The following SLC35F1 variants were observed in gnomAD, a reference collection of about 807,000 sequenced individuals.
SLC35F1 encodes the protein chromosome 6 open reading frame 169.
In SLC35F1, 14 loss-of-function variants were observed where a neutral mutation model predicts 48.7. The observed-to-expected ratio is 0.29, with a 90% CI of 0.19 to 0.45. The LOEUF is 0.45. SLC35F1 is among the 20% of genes least tolerant of loss of function. The pLI is 1.00. For missense variants in SLC35F1, 404 were observed against 500.0 expected, an observed-to-expected ratio of 0.81 and a Z score of 1.83; for synonymous variants, 190 against 202.2, an observed-to-expected ratio of 0.94 and a Z score of 0.51.
intron 2 of SLC35F1, among the ~76,000 whole-genome samples, chr6:118,194,232 A>G (rs1011099509): frequency 6.6e-6 from 1 of 152,202 alleles, no homozygotes; most frequent in African/African-American, 2.4e-5. Flanking sequence ...TACAAAATCT[A>G]GAATCTTCAA....
At chr6:118,041,654 G>C (rs1772223125) in intron 1 of SLC35F1, among the ~76,000 whole-genome samples, 1 of 152,154 alleles carries the variant, frequency 6.6e-6, no homozygotes, top group South Asian at 2.1e-4. Flanking sequence ...GCATTAAAGA[G>C]GGAGATAGAG....
At chr6:118,200,894 T>A (rs1774866076) in intron 2 of SLC35F1, among the ~76,000 whole-genome samples, 1 of 152,104 alleles carries the variant, frequency 6.6e-6, no homozygotes, top group African/African-American at 2.4e-5. Flanking sequence ...TGATTTGGTT[T>A]GGTTTTTTAG....
chr6:118,154,419 T>A (rs546678050), intron 1 of SLC35F1, 26 bp from the exon 2 acceptor site: 3 of 1,587,410 alleles, frequency 1.9e-6, no homozygotes, highest in Non-Finnish European at 2.6e-6. Flanking sequence ...TGACCTTTGC[T>A]GTGTTTTTTT....
intron 1 of SLC35F1, among the ~76,000 whole-genome samples, chr6:118,146,585 A>C (rs1300374215): frequency 6.6e-6 from 1 of 152,188 alleles, no homozygotes; most frequent in African/African-American, 2.4e-5. Context: ...TAAAAACTAA[A>C]ATTATCCCAA....
chr6:118,023,029 A>G (rs545700999), intron 1 of SLC35F1, among the ~76,000 whole-genome samples: 35 of 152,216 alleles, frequency 2.3e-4, no homozygotes, highest in African/African-American at 8.4e-4. Context: ...AAGTGCTGCG[A>G]TTACAGGCGT....
rs1278800830 is a variant in SLC35F1, at chr6:118,266,904, C to T, written c.478-91C>T. 3.5e-6 allele frequency: 5 copies of T among 1,415,790 alleles called. No homozygotes were observed. The African/African-American group carries it at 4.2e-5, about 12-fold the overall frequency. 87.7% of individuals were successfully genotyped at this position (1,415,790 alleles called of 1,614,324 possible). A position where few individuals can be genotyped will look rare whatever the true frequency, so the allele number is the denominator to read the frequency against. The stretch of plus-strand genomic sequence containing the variant: ...CTCAGGTTCAGGGGAAAGGCAGAAC[C>T]CTTTCTGCAGAACTAAATTACTTTT... On this transcript the variant is annotated intron_variant, in intron 3 of 7. Transcript: ENST00000360388.
chr6:117,992,810 C>G lies in SLC35F1; in HGVS notation c.173+84911C>G, dbSNP rs76323424. Among the ~76,000 whole-genome samples the G allele has an allele frequency of 1.3e-3, 202 of 152,324 alleles. 1 individual carries two copies. Among genetic ancestry groups the G allele is most frequent in the Non-Finnish European group, 2.1e-3 (140 of 68,026 alleles). ...TGAAATTAATTGATAGACTTTCCAG[C>G]AGTCATCAGTATCTCTGAAGAGTAC... On this transcript the variant is annotated intron_variant, in intron 1 of 7. Transcript: ENST00000360388.
At chr6:118,153,713 C>CA (rs1774097588) in intron 1 of SLC35F1, among the ~76,000 whole-genome samples, 1 of 152,148 alleles carries the variant, frequency 6.6e-6, no homozygotes, top group African/African-American at 2.4e-5. Flanking sequence ...AAAAAAGCCA[C>CA]AAAAAATAAG....
In SLC35F1 at chr6:118,152,983, T is replaced by C. The variant is rs142001082; in HGVS notation, c.174-1462T>C. The stretch of plus-strand genomic sequence containing the variant: ...AATTCAGAGGTCAGGAGCCAGTACC[T>C]GGAAATAGGTTAACCTCAGAAAATT... On this transcript the variant is annotated intron_variant, in intron 1 of 7. Transcript: ENST00000360388. Among the ~76,000 whole-genome samples, 1,373 of 152,340 alleles carry C rather than the reference T, an allele frequency of 9.0e-3. 16 individuals carry two copies. Among genetic ancestry groups the C allele is most frequent in the African/African-American group, 0.031 (1,290 of 41,572 alleles).
chr6:118,212,687 A>G (rs915737173), intron 2 of SLC35F1, among the ~76,000 whole-genome samples: 1 of 148,338 alleles, frequency 6.7e-6, no homozygotes, highest in African/African-American at 2.5e-5. Flanking sequence ...AAAGAAAGAA[A>G]AGAAAGAAAG....
At position 118,090,055 on chromosome 6, in the gene SLC35F1, A is replaced by T. The variant is rs147464772; in HGVS notation, c.174-64390A>T. On this transcript the variant is annotated intron_variant, in intron 1 of 7. Coordinates refer to ENST00000360388, the MANE Select transcript of SLC35F1 (RefSeq NM_001029858.4). Reference sequence around the variant, plus strand: ...ATATAAACTAATTCTGAGACTGAGTAAGAATGGGTGTTTAGAACTCAAAGA... The same window carrying T: ...ATATAAACTAATTCTGAGACTGAGTTAGAATGGGTGTTTAGAACTCAAAGA... Among the ~76,000 whole-genome samples the T allele has an allele frequency of 5.4e-3, 820 of 152,340 alleles. 9 individuals are homozygous for T. Among genetic ancestry groups the T allele is most frequent in the African/African-American group, 0.018 (752 of 41,588 alleles).
At chr6:118,154,937 C>A (rs1009219671) in intron 2 of SLC35F1, among the ~76,000 whole-genome samples, 1 of 152,144 alleles carries the variant, frequency 6.6e-6, no homozygotes, top group Non-Finnish European at 1.5e-5. Flanking sequence ...GAACTTGGAA[C>A]AGGCCTGATG....
intron 7 of SLC35F1, among the ~76,000 whole-genome samples, chr6:118,292,199 C>CAG (rs1362388717): frequency 6.6e-6 from 1 of 152,106 alleles, no homozygotes; most frequent in African/African-American, 2.4e-5. Flanking sequence ...ACCCAAGCAT[C>CAG]AGAGGTTTAA....
At position 118,086,637 on chromosome 6, in the gene SLC35F1, G is replaced by A. The variant is rs184900126; in HGVS notation, c.174-67808G>A. 6.0e-4 allele frequency among the ~76,000 whole-genome samples: 92 copies of A among 152,292 alleles called. 3 individuals are homozygous for A. The East Asian group carries it at 0.013, about 22-fold the overall frequency. The stretch of plus-strand genomic sequence containing the variant: ...TGCAGCCCCACCTCCAGCCTCCTTT[G>A]TTCTTTGGCTACCAGCTCTAATTTA... On this transcript the variant is annotated intron_variant, in intron 1 of 7. Coordinates refer to ENST00000360388, the MANE Select transcript of SLC35F1 (RefSeq NM_001029858.4).
chr6:118,195,114 T>A (rs1419327561), intron 2 of SLC35F1, among the ~76,000 whole-genome samples: 2 of 152,276 alleles, frequency 1.3e-5, no homozygotes, highest in East Asian at 3.9e-4. Context: ...TCATCTTTAG[T>A]CCCTTTTAAC....
intron 2 of SLC35F1, among the ~76,000 whole-genome samples, chr6:118,196,206 A>G (rs1287069343): frequency 6.6e-6 from 1 of 152,216 alleles, no homozygotes; most frequent in Non-Finnish European, 1.5e-5. Context: ...GAGTGGTTGA[A>G]GTATTGCTGC....
intron 1 of SLC35F1, among the ~76,000 whole-genome samples, chr6:118,106,968 C>T (rs1335583510): frequency 6.6e-6 from 1 of 152,218 alleles, no homozygotes; most frequent in Non-Finnish European, 1.5e-5. Context: ...AAATAACATT[C>T]TACCCCCCAG....
intron 2 of SLC35F1, among the ~76,000 whole-genome samples, chr6:118,185,633 C>A (rs1774644940): frequency 6.6e-6 from 1 of 152,080 alleles, no homozygotes; most frequent in South Asian, 2.1e-4. Context: ...GAAAATCAGA[C>A]CTGGCAACAG....
intron 1 of SLC35F1, among the ~76,000 whole-genome samples, chr6:117,916,106 C>T (rs1215740203): frequency 1.3e-5 from 2 of 152,142 alleles, no homozygotes; most frequent in African/African-American, 2.4e-5. Flanking sequence ...CTATTCAGAC[C>T]GTGGGCTATG....
Sources: allele counts gnomAD v4.1 joint callset (sites outside exome capture counted in the v4.1 genomes callset), GRCh38; gene constraint gnomAD v4.1.1; transcripts MANE v1.5; gene names NCBI Gene and HGNC (gene_info 2026-07-23, HGNC 2026-07-21).